NRG3: variants seen among roughly 807,000 people sequenced by gnomAD.
NRG3 encodes the protein neuregulin 3.
In NRG3, 31 loss-of-function variants were observed where a neutral mutation model predicts 66.9. The ratio of observed to expected loss-of-function variants is 0.46; its 90% CI spans 0.35 to 0.63. The LOEUF is 0.63. NRG3 is among the 20% of genes least tolerant of loss of function. The pLI, the probability that NRG3 is intolerant of heterozygous loss-of-function variation, is 0.00. For synonymous variants in NRG3, 393 were observed against 359.4 expected (o/e 1.09, Z -1.06); for missense variants, 910 against 878.9 (o/e 1.04, Z -0.45).
intron 1 of NRG3, among the ~76,000 whole-genome samples, chr10:81,892,265 T>A (rs976500224): frequency 6.6e-6 from 1 of 152,086 alleles, no homozygotes; most frequent in Admixed American, 6.6e-5. Flanking sequence ...TATGTAAATA[T>A]ATACATATAT....
In NRG3 at chr10:82,371,897, A is replaced by G. The variant is rs972861306; in HGVS notation, c.953+13029A>G. ...CACTCTCCTCTGAGGGAAGGCATCA[A>G]TCTGTTAATGAGACATCTGCTCTCA... On this transcript the variant is annotated intron_variant, in intron 2 of 8. Transcript: ENST00000372141. Among the ~76,000 whole-genome samples the G allele has an allele frequency of 5.9e-5, 9 of 152,250 alleles. No homozygotes were observed. In the South Asian group the frequency reaches 1.5e-3, roughly 25 times the overall value.
chr10:82,326,514 CTCTACT>C (rs1487616204), intron 1 of NRG3, among the ~76,000 whole-genome samples: 9 of 152,034 alleles, frequency 5.9e-5, no homozygotes, highest in African/African-American at 2.2e-4. Context: ...TCTTCTGGAA[CTCTACT>C]TCTACATATG....
At chr10:82,961,773 G>A (rs922598834) in intron 6 of NRG3, among the ~76,000 whole-genome samples, 1 of 152,152 alleles carries the variant, frequency 6.6e-6, no homozygotes, top group African/African-American at 2.4e-5. Flanking sequence ...TTTCAAATGG[G>A]ACCATGGGGA....
intron 2 of NRG3, among the ~76,000 whole-genome samples, chr10:82,515,769 T>A (rs1157300671): frequency 6.6e-6 from 1 of 152,154 alleles, no homozygotes; most frequent in East Asian, 1.9e-4. Flanking sequence ...CCATACCATT[T>A]TGAAAGTGGC....
rs555409209 is a variant in NRG3 at position 82,198,457 on chromosome 10, G to A, written c.824-160282G>A. ...TTACAGATAGGTAACAGCACTACCC[G>A]GTGCTGACTATTTGAGTGGGATATA... On this transcript the variant is annotated intron_variant, in intron 1 of 8. Transcript: ENST00000372141. Among the ~76,000 whole-genome samples, 11 of 152,178 alleles carry A rather than the reference G, an allele frequency of 7.2e-5. No homozygotes were observed. The South Asian group carries it at 1.9e-3, about 26-fold the overall frequency.
chr10:81,980,503 A>T (rs188752018), intron 1 of NRG3, among the ~76,000 whole-genome samples: 1 of 152,170 alleles, frequency 6.6e-6, no homozygotes, highest in Non-Finnish European at 1.5e-5. Context: ...TGACTTTGAG[A>T]TGCTATATTT....
rs1281764441 is a variant in NRG3, at chr10:82,059,383, T to C, written c.823+183220T>C. On this transcript the variant is annotated intron_variant, in intron 1 of 8. Transcript: ENST00000372141. ...CACTCAGTAGATATTTCAGGGTGAA[T>C]GGCCAGATTAGGTAATGACTAAGAT... Among the ~76,000 whole-genome samples the C allele has an allele frequency of 2.0e-5, 3 of 152,070 alleles. No homozygotes were observed. The South Asian group carries it at 6.2e-4, about 31-fold the overall frequency.
intron 2 of NRG3, among the ~76,000 whole-genome samples, chr10:82,470,559 G>C (rs113731396): frequency 1.5e-3 from 236 of 152,294 alleles, no homozygotes; most frequent in African/African-American, 5.5e-3. Flanking sequence ...AATAGAGTTC[G>C]TCAGAGGCCC....
At chr10:82,466,510 G>C (rs1840692661) in intron 2 of NRG3, among the ~76,000 whole-genome samples, 1 of 152,144 alleles carries the variant, frequency 6.6e-6, no homozygotes, top group South Asian at 2.1e-4. Context: ...GACTAGGAAA[G>C]TATAGGCCTT....
intron 2 of NRG3, among the ~76,000 whole-genome samples, chr10:82,721,281 T>C (rs1229412632): frequency 6.6e-6 from 1 of 150,610 alleles, no homozygotes; most frequent in African/African-American, 2.4e-5. Flanking sequence ...ACAGGTGCCC[T>C]CCACCATGCC....
At chr10:82,472,664 T>C (rs1375994270) in intron 2 of NRG3, among the ~76,000 whole-genome samples, 1 of 152,218 alleles carries the variant, frequency 6.6e-6, no homozygotes, top group African/African-American at 2.4e-5. Flanking sequence ...TCAGAAGGAC[T>C]CCCATGTGTG....
chr10:82,547,326 A>G (rs2043982730), intron 2 of NRG3, among the ~76,000 whole-genome samples: 1 of 151,790 alleles, frequency 6.6e-6, no homozygotes, highest in Admixed American at 6.6e-5. Flanking sequence ...ATAGAAATAT[A>G]TACACACCAT....
At chr10:81,921,423 T>G (rs977227010) in intron 1 of NRG3, among the ~76,000 whole-genome samples, 1 of 152,108 alleles carries the variant, frequency 6.6e-6, no homozygotes, top group African/African-American at 2.4e-5. Context: ...TTGCTTCACA[T>G]AGTCTGTCTG....
chr10:82,669,667 G>T (rs1443565857), intron 2 of NRG3, among the ~76,000 whole-genome samples: 1 of 152,116 alleles, frequency 6.6e-6, no homozygotes, highest in Non-Finnish European at 1.5e-5. Context: ...GGTGGCTCTC[G>T]CCTGTAATCC....
At chr10:82,525,961 T>C (rs1485543960) in intron 2 of NRG3, among the ~76,000 whole-genome samples, 1 of 151,756 alleles carries the variant, frequency 6.6e-6, no homozygotes, top group African/African-American at 2.4e-5. Context: ...TAGATGTAAC[T>C]AAAGAGACAG....
chr10:82,075,478 A>G (rs567188121), intron 1 of NRG3, among the ~76,000 whole-genome samples: 249 of 152,278 alleles, frequency 1.6e-3, no homozygotes, highest in African/African-American at 5.7e-3. Flanking sequence ...TTTAAGGACA[A>G]ACAAGTTCTG....
At chr10:82,324,756 C>T (rs1381833828) in intron 1 of NRG3, among the ~76,000 whole-genome samples, 1 of 152,166 alleles carries the variant, frequency 6.6e-6, no homozygotes, top group Non-Finnish European at 1.5e-5. Flanking sequence ...CTTAATTCCA[C>T]TGTGTTCAGA....
intron 2 of NRG3, among the ~76,000 whole-genome samples, chr10:82,611,807 T>A (rs1334157905): frequency 6.6e-6 from 1 of 152,142 alleles, no homozygotes; most frequent in Non-Finnish European, 1.5e-5. Context: ...CTGGGTCAAA[T>A]GGTACTTCTA....
chr10:81,889,187 T>A (rs1415950120), intron 1 of NRG3: 1 of 152,210 alleles, frequency 6.6e-6, no homozygotes, highest in East Asian at 1.9e-4. Flanking sequence ...TTACTGTCTT[T>A]AGGTTTTTCA....
Sources: allele counts gnomAD v4.1 joint callset (sites outside exome capture counted in the v4.1 genomes callset), GRCh38; gene constraint gnomAD v4.1.1; transcripts MANE v1.5; gene names NCBI Gene and HGNC (gene_info 2026-07-23, HGNC 2026-07-21).